The following PRKG2 variants were observed in gnomAD, a reference collection of about 807,000 sequenced individuals.
PRKG2 encodes the protein protein kinase cGMP-dependent 2, also known as cGMP-dependent protein kinase 2.
In PRKG2, 33 loss-of-function variants were observed where a neutral mutation model predicts 97.2. The observed-to-expected ratio is 0.34, with a 90% confidence interval of 0.26 to 0.45. PRKG2 has a LOEUF of 0.45. Among genes scored for constraint, PRKG2 ranks in the 20% least tolerant of loss-of-function variants. PRKG2 has a pLI of 1.00. For synonymous variants in PRKG2, 330 were observed against 321.8 expected (o/e 1.03, Z -0.27); for missense variants, 638 against 900.0 (o/e 0.71, Z 3.73).
intron 11 of PRKG2, 24 bp downstream of exon 11, chr4:81,142,770 A>G: frequency 6.6e-7 from 1 of 1,522,114 alleles, no homozygotes; most frequent in Non-Finnish European, 8.9e-7. Flanking sequence ...CTTCTCTCAG[A>G]TGCTTGAAAC....
chr4:81,091,122 T>C (rs1741487519), intron 18 of PRKG2, among the ~76,000 whole-genome samples: 2 of 152,096 alleles, frequency 1.3e-5, no homozygotes, highest in African/African-American at 2.4e-5. Context: ...TGAAATCTTA[T>C]AGGGAACATA....
intron 14 of PRKG2, among the ~76,000 whole-genome samples, chr4:81,134,923 T>C (rs1746523009): frequency 6.6e-6 from 1 of 152,194 alleles, no homozygotes; most frequent in South Asian, 2.1e-4. Flanking sequence ...AAAGGCATTC[T>C]ATTATGTGAA....
intron 6 of PRKG2, among the ~76,000 whole-genome samples, chr4:81,156,766 A>T (rs1465881252): frequency 6.6e-6 from 1 of 152,246 alleles, no homozygotes; most frequent in African/African-American, 2.4e-5. Flanking sequence ...AGAACTCAGG[A>T]TTAAGAATCT....
intron 5 of PRKG2, 30 bp downstream of exon 5, chr4:81,169,633 C>T (rs1210103313): frequency 2.7e-6 from 4 of 1,465,606 alleles, no homozygotes; most frequent in Non-Finnish European, 3.8e-6. Flanking sequence ...ACTCCACTGT[C>T]TTCACTGTCT....
intron 15 of PRKG2, among the ~76,000 whole-genome samples, chr4:81,107,172 C>T (rs1044299917): frequency 2.0e-5 from 3 of 151,884 alleles, no homozygotes; most frequent in African/African-American, 4.8e-5. Context: ...GTGTGCAGAG[C>T]GGGTTATGGG....
chr4:81,143,028 G>A (rs1229182013), intron 10 of PRKG2, 81 bp from the exon 11 acceptor site: 12 of 1,435,668 alleles, frequency 8.4e-6, no homozygotes, highest in East Asian at 6.9e-5. Context: ...TCACTCCTAC[G>A]ACAGTCTAAT....
At chr4:81,102,371 T>C (rs927815680) in intron 17 of PRKG2, among the ~76,000 whole-genome samples, 4 of 152,208 alleles carry the variant, frequency 2.6e-5, no homozygotes, top group East Asian at 1.9e-4. Context: ...ATGAAGAACC[T>C]TCCATAATGA....
At chr4:81,109,259 G>A (rs2109978213) in intron 15 of PRKG2, among the ~76,000 whole-genome samples, 1 of 152,324 alleles carries the variant, frequency 6.6e-6, no homozygotes, top group East Asian at 1.9e-4. Context: ...TTGTAGCGTA[G>A]AAAGTTCAAG....
chr4:81,217,133 G>T (rs1035734292), upstream of PRKG2, among the ~76,000 whole-genome samples: 3 of 149,398 alleles, frequency 2.0e-5, no homozygotes, highest in Non-Finnish European at 4.4e-5. Context: ...CCATGATTTT[G>T]CTATTGTGAA....
chr4:81,194,093 C>G (rs1005881037), intron 2 of PRKG2, among the ~76,000 whole-genome samples: 7 of 152,136 alleles, frequency 4.6e-5, no homozygotes, highest in African/African-American at 1.4e-4. Context: ...CCTTTGCATG[C>G]CTATCTCTTA....
At chr4:81,154,231 A>T (rs1371372537) in intron 6 of PRKG2, 1 of 161,190 alleles carries the variant, frequency 6.2e-6, no homozygotes, top group African/African-American at 2.4e-5. Context: ...TTAGGTAAAC[A>T]AAGCAGCCAG....
At chr4:81,133,848 A>ATT (rs11411552) in intron 14 of PRKG2, among the ~76,000 whole-genome samples, 7 of 144,594 alleles carry the variant, frequency 4.8e-5, no homozygotes, top group African/African-American at 1.8e-4. Flanking sequence ...ATATATAGCT[A>ATT]TTTTTTTTTA....
chr4:81,106,084 T>C (rs1362899439), intron 15 of PRKG2, 149 bp from the exon 16 acceptor site: 7 of 868,712 alleles, frequency 8.1e-6, no homozygotes, highest in South Asian at 1.9e-5. Flanking sequence ...AATTTAGATA[T>C]ATCCTAGAAT....
At chr4:81,117,834 T>C (rs1185767582) in intron 14 of PRKG2, among the ~76,000 whole-genome samples, 3 of 152,218 alleles carry the variant, frequency 2.0e-5, no homozygotes, top group Admixed American at 6.5e-5. Flanking sequence ...CCTATATTGA[T>C]ACATCATGAA....
At position 81,101,105 on chromosome 4, in the gene PRKG2, T is replaced by G. The variant is rs542294494; in HGVS notation, c.2126+3265A>C. ...GGATGTGGAGAAATAGGAACACTTTTACACTGTTGGTGGGACTGTAAACTA... is the reference window on the plus strand; with the variant it reads ...GGATGTGGAGAAATAGGAACACTTTGACACTGTTGGTGGGACTGTAAACTA... On this transcript the variant is annotated intron_variant, in intron 17 of 18. Coordinates refer to ENST00000264399, the MANE Select transcript of PRKG2 (RefSeq NM_006259.3). Among the ~76,000 whole-genome samples, 607 of 151,896 alleles carry G rather than the reference T, an allele frequency of 4.0e-3. 3 individuals are homozygous for G. Among genetic ancestry groups the G allele is most frequent in the Non-Finnish European group, 4.6e-3 (313 of 67,982 alleles).
At chr4:81,153,758 G>A (rs750338344) in intron 6 of PRKG2, 37 bp from the exon 7 acceptor site, 3 of 1,496,748 alleles carry the variant, frequency 2.0e-6, no homozygotes, top group Admixed American at 1.7e-5. Flanking sequence ...GTAAGAGCGG[G>A]TGGAGCCAAG....
In PRKG2 at chr4:81,174,794, T is replaced by A. The variant is rs983511044; in HGVS notation, c.627A>T (p.Ala209=). The A allele has an allele frequency of 1.2e-6, 2 of 1,606,138 alleles. No homozygotes were observed. Among genetic ancestry groups the A allele is most frequent in the Admixed American group, 3.4e-5 (2 of 59,078 alleles). The part of the protein sequence containing the change: ...GEPGNHIFVL[A]EGRLEVFQGE... ...TCTGGAAAAATCTGTGAAACCCACC[T>A]GCCAGCACAAAGATATGGTTTCCTG... Residue 209 remains alanine, a splice_region_variant and synonymous_variant, in exon 3 of 19, where the codon GCA becomes GCT. Transcript: ENST00000264399.
intron 5 of PRKG2, among the ~76,000 whole-genome samples, chr4:81,168,766 A>G (rs1480894596): frequency 6.6e-6 from 1 of 152,068 alleles, no homozygotes; most frequent in African/African-American, 2.4e-5. Context: ...AATCTCATTC[A>G]ATGTTTATTG....
intron 17 of PRKG2, among the ~76,000 whole-genome samples, chr4:81,102,412 G>T (rs1436574689): frequency 2.6e-5 from 4 of 152,150 alleles, no homozygotes; most frequent in Admixed American, 6.6e-5. Context: ...TGGAAGAATG[G>T]CTTTAATTGA....
Sources: allele counts gnomAD v4.1 joint callset (sites outside exome capture counted in the v4.1 genomes callset), GRCh38; gene constraint gnomAD v4.1.1; transcripts MANE v1.5; gene names NCBI Gene and HGNC (gene_info 2026-07-23, HGNC 2026-07-21).